The following LRRFIP1 variants were observed in gnomAD, a reference collection of about 807,000 sequenced individuals.
LRRFIP1 encodes LRR binding FLII interacting protein 1.
LRRFIP1 carries 62 observed loss-of-function variants against 104.4 expected under a neutral mutation model. That is an observed-to-expected ratio of 0.59 (90% confidence interval 0.48 to 0.73). LRRFIP1 has a LOEUF of 0.73. LRRFIP1 is among the 30% of genes least tolerant of loss of function. LRRFIP1 has a pLI of 0.00. For synonymous variants in LRRFIP1, 300 were observed against 299.0 expected, an observed-to-expected ratio of 1.00 and a Z score of -0.03; for missense variants, 796 against 824.5, an observed-to-expected ratio of 0.97 and a Z score of 0.42.
intron 1 of LRRFIP1, among the ~76,000 whole-genome samples, chr2:237,702,106 A>G (rs1223510928): frequency 1.3e-5 from 2 of 151,914 alleles, no homozygotes. Context: ...CTTTTTAGCC[A>G]TTTGTTTCGG....
chr2:237,699,006 A>G lies in LRRFIP1; in HGVS notation c.97-9538A>G, dbSNP rs549403386. The stretch of plus-strand genomic sequence containing the variant: ...AGTAACATAATAAGAATTTTGATAT[A>G]GAAATACTCAAGACCAAGTACACCA... On this transcript the variant is annotated intron_variant, in intron 1 of 23. Transcript: ENST00000308482. Among the ~76,000 whole-genome samples the G allele has an allele frequency of 5.1e-4, 77 of 152,272 alleles. 1 individual carries two copies. Among genetic ancestry groups the G allele is most frequent in the Non-Finnish European group, 5.7e-4 (39 of 68,058 alleles).
chr2:237,650,803 G>A (rs762296104), intron 1 of LRRFIP1, among the ~76,000 whole-genome samples: 1 of 152,206 alleles, frequency 6.6e-6, no homozygotes, highest in Admixed American at 6.5e-5. Flanking sequence ...GGGAGAGAGA[G>A]GGAGATCAAA....
At chr2:237,756,067 G>A in intron 15 of LRRFIP1, 28 bp from the exon 16 acceptor site, 1 of 1,526,392 alleles carries the variant, frequency 6.6e-7, no homozygotes, top group South Asian at 1.1e-5. Context: ...GGATTCCACT[G>A]CTTTAGTGCT....
chr2:237,660,152 A>T (rs77490839), intron 1 of LRRFIP1, among the ~76,000 whole-genome samples: 3,706 of 152,334 alleles, frequency 0.024, 151 homozygotes, highest in African/African-American at 0.084. Context: ...AACTCTAAAA[A>T]GTTATTAAGA....
In LRRFIP1 at chr2:237,711,207, C is replaced by T. The variant is rs1198461034; in HGVS notation, c.183+2577C>T. 4.6e-5 allele frequency among the ~76,000 whole-genome samples: 7 copies of T among 152,236 alleles called. No individual in the cohort carries two copies. The highest frequency in any genetic ancestry group is 8.8e-5 in the Non-Finnish European group (6 of 68,048). On this transcript the variant is annotated intron_variant, in intron 2 of 23. Transcript: ENST00000308482. The surrounding 1 kb of genome is among the most constrained non-coding windows in gnomAD (Gnocchi z 4.4). Reference sequence around the variant, plus strand: ...ATGCTTCTGATGAGCACAGGCCTTGCGGAGAACATCTGATGAAATCGGGAA... The same window carrying T: ...ATGCTTCTGATGAGCACAGGCCTTGTGGAGAACATCTGATGAAATCGGGAA...
chr2:237,696,726 G>A (rs2093209109), intron 1 of LRRFIP1, among the ~76,000 whole-genome samples: 1 of 152,228 alleles, frequency 6.6e-6, no homozygotes, highest in Non-Finnish European at 1.5e-5. Flanking sequence ...ACTGATAACT[G>A]TCACCACTGT....
chr2:237,641,440 T>A (rs2083955406), intron 1 of LRRFIP1, among the ~76,000 whole-genome samples: 1 of 147,972 alleles, frequency 6.8e-6, no homozygotes, highest in Non-Finnish European at 1.5e-5. Context: ...GAGGTTGCAA[T>A]GAGCTGAGAT....
chr2:237,708,818 G>A (rs866184751), intron 2 of LRRFIP1, 188 bp downstream of exon 2: 41 of 728,162 alleles, frequency 5.6e-5, no homozygotes, highest in Non-Finnish European at 7.7e-5. Flanking sequence ...GATACCAGGC[G>A]TGCCTGCTCA....
At chr2:237,701,383 C>T (rs2093515373) in intron 1 of LRRFIP1, among the ~76,000 whole-genome samples, 1 of 152,260 alleles carries the variant, frequency 6.6e-6, no homozygotes, top group South Asian at 2.1e-4. Context: ...CTGCCTACAA[C>T]ACCTCCAGCG....
intron 1 of LRRFIP1, among the ~76,000 whole-genome samples, chr2:237,685,860 T>C (rs1419546034): frequency 1.3e-5 from 2 of 152,208 alleles, no homozygotes; most frequent in Non-Finnish European, 2.9e-5. Context: ...AAGGCTGCCG[T>C]CTACCATTTA....
chr2:237,732,459 G>C (rs2095055128), intron 8 of LRRFIP1, among the ~76,000 whole-genome samples: 1 of 152,144 alleles, frequency 6.6e-6, no homozygotes, highest in African/African-American at 2.4e-5. Context: ...TTCCTTCTGT[G>C]CATCACTTTA....
Position 237,717,053 on chromosome 2 carries a change from G to A in LRRFIP1, c.202-709G>A, listed in dbSNP as rs2094361872. Reference sequence around the variant, plus strand: ...TTTTAGCTTATCAGCTATCGTTAGTGTAGTTTATGTGTGGCCCAAGACACT... The same window carrying A: ...TTTTAGCTTATCAGCTATCGTTAGTATAGTTTATGTGTGGCCCAAGACACT... On this transcript the variant is annotated intron_variant, in intron 3 of 23. Coordinates refer to ENST00000308482, the MANE Select transcript of LRRFIP1 (RefSeq NM_001137550.2). This position sits in a 1 kb window ranked among gnomAD's most constrained non-coding sequence, Gnocchi z 4.2. 6.6e-6 allele frequency among the ~76,000 whole-genome samples: 1 copy of A among 151,828 alleles called. No homozygotes were observed. The highest frequency in any genetic ancestry group is 6.6e-5 in the Admixed American group (1 of 15,254).
intron 19 of LRRFIP1, chr2:237,769,649 G>A (rs1324290923): frequency 2.0e-5 from 7 of 346,648 alleles, no homozygotes; most frequent in East Asian, 5.1e-5. Flanking sequence ...GTGTTGCAGC[G>A]TGGTTTGGCC....
At chr2:237,702,534 G>A (rs1039213593) in intron 1 of LRRFIP1, among the ~76,000 whole-genome samples, 23 of 152,268 alleles carry the variant, frequency 1.5e-4, no homozygotes, top group Non-Finnish European at 2.6e-4. Flanking sequence ...TCCTAACCCC[G>A]CGGGCAGCAG....
At chr2:237,666,861 CT>C (rs2089433915) in intron 1 of LRRFIP1, among the ~76,000 whole-genome samples, 1 of 120,148 alleles carries the variant, frequency 8.3e-6, no homozygotes, top group African/African-American at 3.1e-5. Context: ...TTCTTTCTTT[CT>C]TTCTTCTCTT....
Position 237,766,346 on chromosome 2 carries a change from A to G in LRRFIP1, c.1460-3597A>G, listed in dbSNP as rs567686768. ...GCTAGGAAATAAGTCCAAGGGCTCTATAGGACTTCACAGGGTTTTAGTTTA... is the reference window on the plus strand; with the variant it reads ...GCTAGGAAATAAGTCCAAGGGCTCTGTAGGACTTCACAGGGTTTTAGTTTA... On this transcript the variant is annotated intron_variant, in intron 19 of 23. Coordinates refer to ENST00000308482, the MANE Select transcript of LRRFIP1 (RefSeq NM_001137550.2). This position sits in a 1 kb window ranked among gnomAD's most constrained non-coding sequence, Gnocchi z 4.8. Among the ~76,000 whole-genome samples, 8 of 152,314 alleles carry G rather than the reference A, an allele frequency of 5.3e-5. No homozygotes were observed. The highest frequency in any genetic ancestry group is 1.7e-4 in the African/African-American group (7 of 41,572).
At chr2:237,737,667 A>G (rs1344327320) in intron 10 of LRRFIP1, among the ~76,000 whole-genome samples, 2 of 152,106 alleles carry the variant, frequency 1.3e-5, no homozygotes, top group African/African-American at 4.8e-5. Flanking sequence ...ACATCAGGAA[A>G]CCCTCAGGCA....
chr2:237,695,218 A>G (rs529805992), intron 1 of LRRFIP1, among the ~76,000 whole-genome samples: 172 of 152,294 alleles, frequency 1.1e-3, no homozygotes, highest in African/African-American at 4.0e-3. Context: ...TGGAGACTAA[A>G]TTTCCCTTTT....
intron 1 of LRRFIP1, among the ~76,000 whole-genome samples, chr2:237,680,889 G>A (rs1408889849): frequency 1.3e-5 from 2 of 152,154 alleles, no homozygotes; most frequent in African/African-American, 4.8e-5. Flanking sequence ...GCTGAGATGG[G>A]AGGATCACTT....
Sources: gnomAD v4.1 joint callset for allele counts (sites outside exome capture counted in the v4.1 genomes callset) on GRCh38, gnomAD v4.1.1 for gene constraint, Gnocchi (gnomAD v3.1) non-coding constraint, MANE v1.5 for transcripts, NCBI Gene and HGNC (gene_info 2026-07-23, HGNC 2026-07-21) for gene names.